ATE1: variants seen among roughly 807,000 people sequenced by gnomAD.
ATE1 encodes arginyl-tRNA--protein transferase 1.
A neutral mutation model predicts 70.5 loss-of-function variants in ATE1; 36 were observed. The observed-to-expected ratio is 0.51, with a 90% CI of 0.39 to 0.67. ATE1 has a LOEUF of 0.67. Ranked by LOEUF, ATE1 falls within the 30% of genes least tolerant of loss-of-function variation. The probability of loss-of-function intolerance (pLI) is 0.00; values close to 1 mark genes in which losing one functional copy is unlikely to be tolerated. For missense variants in ATE1, 593 were observed against 629.5 expected, an observed-to-expected ratio of 0.94 and a Z score of 0.62; for synonymous variants, 232 against 219.3, an observed-to-expected ratio of 1.06 and a Z score of -0.51.
At chr10:121,846,518 A>C (rs2133830140) in intron 8 of ATE1, 1 of 152,046 alleles carries the variant, frequency 6.6e-6, no homozygotes, top group East Asian at 1.9e-4. Flanking sequence ...GTTAACAACC[A>C]CCACAAGAGA....
At chr10:121,885,328 G>T (rs1309748542) in intron 7 of ATE1, among the ~76,000 whole-genome samples, 2 of 149,414 alleles carry the variant, frequency 1.3e-5, no homozygotes, top group African/African-American at 2.5e-5. Flanking sequence ...CCAGCACTTT[G>T]GGAGGCCGAG....
chr10:121,928,314 G>T, upstream of ATE1: 1 of 1,509,526 alleles, frequency 6.6e-7, no homozygotes, highest in South Asian at 1.2e-5. Flanking sequence ...GGGGCGCGGC[G>T]GCCGCGCCAA....
At chr10:121,866,489 A>G (rs1949667150) in intron 8 of ATE1, among the ~76,000 whole-genome samples, 1 of 152,214 alleles carries the variant, frequency 6.6e-6, no homozygotes, top group South Asian at 2.1e-4. Context: ...ACTTTTCACC[A>G]AAGAGTGAAA....
intron 8 of ATE1, among the ~76,000 whole-genome samples, chr10:121,851,395 G>C (rs922504684): frequency 3.3e-5 from 5 of 152,168 alleles, no homozygotes; most frequent in African/African-American, 1.2e-4. Flanking sequence ...ACTCCAGCTT[G>C]GGCAACAGAG....
At position 121,743,568 on chromosome 10, in the gene ATE1, AAAAAATGTCT is replaced by A; in HGVS notation, c.*102_*111del. ...TTTAAAAGCCATAGATAGTCAAAAT[AAAAAATGTCT>A]AATTTGTGGGTGGTGACAGTTATTT... On this transcript the variant is annotated 3_prime_UTR_variant, in exon 12 of 12. Transcript: ENST00000224652. 2.9e-6 allele frequency: 4 copies of A among 1,383,366 alleles called. No individual in the cohort carries two copies. Among genetic ancestry groups the A allele is most frequent in the Non-Finnish European group, 3.7e-6 (4 of 1,071,522 alleles). 85.7% of individuals were successfully genotyped at this position (1,383,366 alleles called of 1,614,324 possible).
At chr10:121,793,190 GCAAATTAAAACC>G (rs1253910089) in intron 10 of ATE1, among the ~76,000 whole-genome samples, 1 of 152,100 alleles carries the variant, frequency 6.6e-6, no homozygotes, top group Non-Finnish European at 1.5e-5. Flanking sequence ...TACCAGAAAT[GCAAATTAAAACC>G]ATAACAAATT....
At chr10:121,906,971 C>A (rs771977437) in intron 5 of ATE1, among the ~76,000 whole-genome samples, 1 of 151,952 alleles carries the variant, frequency 6.6e-6, no homozygotes, top group Non-Finnish European at 1.5e-5. Context: ...AAGAACCCTG[C>A]AAAAATAGTT....
intron 10 of ATE1, among the ~76,000 whole-genome samples, chr10:121,815,261 G>A (rs917893093): frequency 1.3e-5 from 2 of 152,030 alleles, no homozygotes; most frequent in Admixed American, 6.6e-5. Context: ...TCAGCCTCCC[G>A]AGTAGCTGGG....
At chr10:121,813,317 A>G (rs1947401647) in intron 10 of ATE1, among the ~76,000 whole-genome samples, 1 of 152,210 alleles carries the variant, frequency 6.6e-6, no homozygotes, top group South Asian at 2.1e-4. Context: ...ATATTTTGCC[A>G]GCTCTTTATC....
At chr10:121,773,065 C>G (rs185282403) in intron 11 of ATE1, among the ~76,000 whole-genome samples, 2 of 152,160 alleles carry the variant, frequency 1.3e-5, no homozygotes, top group East Asian at 3.9e-4. Flanking sequence ...TTTATTGGAC[C>G]CTCCCACTCC....
At chr10:121,848,282 G>A (rs948679285) in intron 8 of ATE1, among the ~76,000 whole-genome samples, 1 of 92,314 alleles carries the variant, frequency 1.1e-5, no homozygotes, top group African/African-American at 3.7e-5. Context: ...AATCTAATGT[G>A]CGTTCATTCA....
At chr10:121,852,287 T>C (rs1301243066) in intron 8 of ATE1, among the ~76,000 whole-genome samples, 2 of 152,218 alleles carry the variant, frequency 1.3e-5, no homozygotes, top group Non-Finnish European at 2.9e-5. Flanking sequence ...ACAATTAATG[T>C]CCCGAATTTT....
At chr10:121,824,601 T>A (rs989800449) in intron 10 of ATE1, among the ~76,000 whole-genome samples, 1 of 152,208 alleles carries the variant, frequency 6.6e-6, no homozygotes, top group Non-Finnish European at 1.5e-5. Flanking sequence ...GCCTTTTGTT[T>A]CTTTTCTGAC....
intron 10 of ATE1, among the ~76,000 whole-genome samples, chr10:121,834,018 G>C (rs1948345187): frequency 6.6e-6 from 1 of 152,118 alleles, no homozygotes; most frequent in Non-Finnish European, 1.5e-5. Context: ...TGTTCTCCAG[G>C]TCATAAACTC....
intron 1 of ATE1, 100 bp from the exon 2 acceptor site, chr10:121,924,429 G>T: frequency 1.8e-6 from 2 of 1,128,178 alleles, no homozygotes; most frequent in Non-Finnish European, 2.7e-6. Flanking sequence ...GTCCGGGCAC[G>T]GTGGCTCATG....
chr10:121,761,281 T>A (rs1945028228), intron 11 of ATE1, among the ~76,000 whole-genome samples: 1 of 152,234 alleles, frequency 6.6e-6, no homozygotes, highest in South Asian at 2.1e-4. Flanking sequence ...CCTCAGATAC[T>A]CCTTTACAGC....
intron 8 of ATE1, among the ~76,000 whole-genome samples, chr10:121,862,826 A>T (rs988148053): frequency 6.6e-6 from 1 of 152,124 alleles, no homozygotes; most frequent in African/African-American, 2.4e-5. Context: ...TCATTGGCAT[A>T]AGACACTCCT....
At chr10:121,747,742 CTA>C (rs1944427450) in intron 11 of ATE1, among the ~76,000 whole-genome samples, 1 of 152,232 alleles carries the variant, frequency 6.6e-6, no homozygotes, top group South Asian at 2.1e-4. Flanking sequence ...GAATTTAAAA[CTA>C]TGTTTCTTAC....
intron 10 of ATE1, among the ~76,000 whole-genome samples, chr10:121,820,709 C>T (rs1947758438): frequency 1.3e-5 from 2 of 152,152 alleles, no homozygotes; most frequent in South Asian, 2.1e-4. Flanking sequence ...TTAATGGAAT[C>T]AATGCTAGTC....
Sources: gnomAD v4.1 joint callset for allele counts (sites outside exome capture counted in the v4.1 genomes callset) on GRCh38, gnomAD v4.1.1 for gene constraint, MANE v1.5 for transcripts, NCBI Gene and HGNC (gene_info 2026-07-23, HGNC 2026-07-21) for gene names.